SUPT3H: variants seen among roughly 807,000 people sequenced by gnomAD.
SUPT3H encodes transcription initiation protein SPT3 homolog.
A neutral mutation model predicts 44.3 loss-of-function variants in SUPT3H; 44 were observed. The ratio of observed to expected loss-of-function variants is 0.99; its 90% CI spans 0.78 to 1.28. The LOEUF is 1.28. Ranked by LOEUF, SUPT3H falls within the 50% of genes most tolerant of loss-of-function variation. SUPT3H has a pLI of 0.00. For synonymous variants in SUPT3H, 124 were observed against 125.6 expected, an observed-to-expected ratio of 0.99 and a Z score of 0.09; for missense variants, 380 against 387.1, an observed-to-expected ratio of 0.98 and a Z score of 0.15.
At chr6:45,266,628 AT>A (rs1357277900) in intron 2 of SUPT3H, among the ~76,000 whole-genome samples, 1 of 152,014 alleles carries the variant, frequency 6.6e-6, no homozygotes, top group African/African-American at 2.4e-5. Context: ...ATCCCTAATA[AT>A]TTTCACATTC....
intron 2 of SUPT3H, 52 bp from the exon 3 acceptor site, chr6:45,106,058 G>A (rs1344541711): frequency 4.3e-6 from 6 of 1,388,786 alleles, no homozygotes; most frequent in Admixed American, 3.5e-5. Context: ...AACTAAGAAA[G>A]GCAAAAAGTG....
intron 2 of SUPT3H, among the ~76,000 whole-genome samples, chr6:45,337,458 T>C (rs1788813554): frequency 1.3e-5 from 2 of 151,814 alleles, no homozygotes; most frequent in African/African-American, 4.8e-5. Flanking sequence ...AAAATACTCA[T>C]TTCTAGAAGG....
chr6:44,921,228 A>G (rs1195220429), intron 10 of SUPT3H, among the ~76,000 whole-genome samples: 1 of 152,238 alleles, frequency 6.6e-6, no homozygotes, highest in African/African-American at 2.4e-5. Flanking sequence ...TAATGGTCAC[A>G]TGTAGTTCAG....
chr6:45,278,373 T>A (rs993457634), intron 2 of SUPT3H, among the ~76,000 whole-genome samples: 5 of 152,214 alleles, frequency 3.3e-5, no homozygotes, highest in Non-Finnish European at 5.9e-5. Context: ...ACAAAAATCC[T>A]ATAATGAACA....
At chr6:45,243,233 TA>T (rs1170256538) in intron 2 of SUPT3H, among the ~76,000 whole-genome samples, 4 of 146,346 alleles carry the variant, frequency 2.7e-5, no homozygotes, top group Admixed American at 2.7e-4. Flanking sequence ...TACTATGTAT[TA>T]TATACAAGCT....
intron 2 of SUPT3H, among the ~76,000 whole-genome samples, chr6:45,216,163 T>A (rs1295853701): frequency 6.6e-6 from 1 of 151,864 alleles, no homozygotes; most frequent in Admixed American, 6.6e-5. Flanking sequence ...TAGACCGAAC[T>A]TACAAGAAAT....
At chr6:45,139,319 G>C (rs955038236) in intron 2 of SUPT3H, among the ~76,000 whole-genome samples, 1 of 152,100 alleles carries the variant, frequency 6.6e-6, no homozygotes, top group Non-Finnish European at 1.5e-5. Flanking sequence ...TTCTGGTGAC[G>C]CATCAGGTCA....
At chr6:45,294,739 A>T in intron 2 of SUPT3H, among the ~76,000 whole-genome samples, 1 of 74,874 alleles carries the variant, frequency 1.3e-5, no homozygotes. Context: ...GCTGCAAAAA[A>T]AAAAAAAAAA....
intron 3 of SUPT3H, among the ~76,000 whole-genome samples, chr6:45,050,461 C>T (rs1405860905): frequency 6.6e-6 from 1 of 150,936 alleles, no homozygotes; most frequent in African/African-American, 2.4e-5. Flanking sequence ...AAAAAAAAAA[C>T]CCATAGTTTG....
chr6:45,346,681 C>T (rs2150162163), intron 2 of SUPT3H, among the ~76,000 whole-genome samples: 1 of 151,782 alleles, frequency 6.6e-6, no homozygotes, highest in South Asian at 2.1e-4. Flanking sequence ...AATTCTCTTG[C>T]CTCTGCCTGA....
chr6:44,925,192 C>T lies in SUPT3H; in HGVS notation c.912+7461G>A, dbSNP rs535737031. On this transcript the variant is annotated intron_variant, in intron 10 of 10. Coordinates refer to ENST00000371459, the MANE Select transcript of SUPT3H (RefSeq NM_003599.4). ...AAATTTACATCAAAGTAAATGGGCA[C>T]AGTAATCTGAGAGTCAGGAGGCTGG... is the stretch of plus-strand genomic sequence containing the variant. Among the ~76,000 whole-genome samples, 85 of 152,198 alleles carry T rather than the reference C, an allele frequency of 5.6e-4. 1 individual carries two copies. The highest frequency in any genetic ancestry group is 2.0e-3 in the African/African-American group (84 of 41,536).
At position 45,130,969 on chromosome 6, in the gene SUPT3H, G is replaced by A. The variant is rs146855053; in HGVS notation, c.102-24963C>T. Among the ~76,000 whole-genome samples the A allele has an allele frequency of 6.1e-4, 92 of 151,382 alleles. 1 individual carries two copies. The highest frequency in any genetic ancestry group is 1.8e-3 in the African/African-American group (73 of 41,208). ...CGACCTCAGGTGATTTGCCAGCCTCGGTCTCCCAAAGTGCTGGGACTACAG... is the reference window on the plus strand; with the variant it reads ...CGACCTCAGGTGATTTGCCAGCCTCAGTCTCCCAAAGTGCTGGGACTACAG... On this transcript the variant is annotated intron_variant, in intron 2 of 10. Transcript: ENST00000371459.
intron 3 of SUPT3H, among the ~76,000 whole-genome samples, chr6:45,039,941 A>G (rs1788277219): frequency 6.6e-6 from 1 of 152,190 alleles, no homozygotes; most frequent in South Asian, 2.1e-4. Context: ...TGTTATACAA[A>G]TAAGAATAAA....
intron 2 of SUPT3H, among the ~76,000 whole-genome samples, chr6:45,304,083 A>T (rs1414745355): frequency 1.3e-5 from 2 of 152,188 alleles, no homozygotes; most frequent in East Asian, 3.8e-4. Context: ...GCAGATGAGA[A>T]CTAAGTACTA....
Position 45,175,422 on chromosome 6 carries a change from G to A in SUPT3H, c.102-69416C>T, listed in dbSNP as rs528886213. Among the ~76,000 whole-genome samples, 7 of 152,232 alleles carry A rather than the reference G, an allele frequency of 4.6e-5. No homozygotes were observed. In the South Asian group the frequency reaches 1.2e-3, roughly 27 times the overall value. On this transcript the variant is annotated intron_variant, in intron 2 of 10. Transcript: ENST00000371459. ...AAGGAAGAAGTGCTGAGCAAAGGGGGATCACGAGAACAGCATGGGGGAAAC... is the reference window on the plus strand; with the variant it reads ...AAGGAAGAAGTGCTGAGCAAAGGGGAATCACGAGAACAGCATGGGGGAAAC...
chr6:45,196,706 C>A (rs115612807), intron 2 of SUPT3H, among the ~76,000 whole-genome samples: 1 of 151,806 alleles, frequency 6.6e-6, no homozygotes, highest in Non-Finnish European at 1.5e-5. Flanking sequence ...GAATATTATG[C>A]TTTCTGGATA....
chr6:44,832,639 A>G (rs2153411367), intron 10 of SUPT3H, among the ~76,000 whole-genome samples: 1 of 152,288 alleles, frequency 6.6e-6, no homozygotes, highest in East Asian at 1.9e-4. Flanking sequence ...CAGCAAAGAC[A>G]ATACTTAATG....
intron 3 of SUPT3H, among the ~76,000 whole-genome samples, chr6:45,022,013 A>C (rs913989194): frequency 4.6e-5 from 7 of 152,042 alleles, no homozygotes; most frequent in Non-Finnish European, 7.4e-5. Flanking sequence ...TTTTTCTAAA[A>C]ATTGGTAGAG....
downstream of SUPT3H, among the ~76,000 whole-genome samples, chr6:44,825,167 T>C (rs1767649580): frequency 6.6e-6 from 1 of 152,216 alleles, no homozygotes; most frequent in South Asian, 2.1e-4. Flanking sequence ...TTTCCCATAA[T>C]TTGTATAGGG....
Sources: allele counts gnomAD v4.1 joint callset (sites outside exome capture counted in the v4.1 genomes callset), GRCh38; gene constraint gnomAD v4.1.1; transcripts MANE v1.5; gene names NCBI Gene and HGNC (gene_info 2026-07-23, HGNC 2026-07-21).